The following UNC13C variants were observed in gnomAD, a reference collection of about 807,000 sequenced individuals.
The protein encoded by UNC13C is unc-13 homolog C.
UNC13C carries 174 observed loss-of-function variants against 245.4 expected under a neutral mutation model. The observed-to-expected ratio is 0.71, with a 90% CI of 0.63 to 0.80. The LOEUF (loss-of-function observed/expected upper bound fraction) is 0.80. Among genes scored for constraint, UNC13C ranks in the 30% least tolerant of loss-of-function variants. The pLI is 0.00. For synonymous variants in UNC13C, 992 were observed against 895.1 expected, an observed-to-expected ratio of 1.11 and a Z score of -1.93; for missense variants, 2,829 against 2,602.9, an observed-to-expected ratio of 1.09 and a Z score of -1.89.
intron 4 of UNC13C, among the ~76,000 whole-genome samples, chr15:54,203,310 G>T (rs1435829970): frequency 1.3e-5 from 2 of 151,564 alleles, no homozygotes; most frequent in Non-Finnish European, 3.0e-5. Context: ...TGTTGATCCA[G>T]CAATCCCACT....
At chr15:54,447,833 T>C (rs374670419) in intron 19 of UNC13C, among the ~76,000 whole-genome samples, 3 of 152,326 alleles carry the variant, frequency 2.0e-5, no homozygotes, top group African/African-American at 4.8e-5. Flanking sequence ...ATGTGTTTGC[T>C]CTTGCTTTTC....
intron 8 of UNC13C, among the ~76,000 whole-genome samples, chr15:54,253,845 C>T (rs529215762): frequency 1.3e-5 from 2 of 152,200 alleles, no homozygotes; most frequent in Admixed American, 1.3e-4. Flanking sequence ...AAGACAGCTA[C>T]AGAGATTGGA....
intron 2 of UNC13C, among the ~76,000 whole-genome samples, chr15:54,142,814 T>G (rs1323094168): frequency 1.3e-5 from 2 of 152,214 alleles, no homozygotes; most frequent in Non-Finnish European, 2.9e-5. Context: ...TTTTATACTT[T>G]TCAAGCATTC....
intron 2 of UNC13C, among the ~76,000 whole-genome samples, chr15:54,067,766 A>G (rs1263852112): frequency 2.0e-5 from 3 of 152,182 alleles, no homozygotes; most frequent in African/African-American, 4.8e-5. Flanking sequence ...TGACACCTCT[A>G]CTTTTTCCTG....
chr15:54,069,235 C>T (rs1293888357), intron 2 of UNC13C, among the ~76,000 whole-genome samples: 1 of 152,086 alleles, frequency 6.6e-6, no homozygotes, highest in African/African-American at 2.4e-5. Flanking sequence ...CCAAGATGAC[C>T]TTTGGGAGGT....
At chr15:54,419,535 G>A (rs981717936) in intron 19 of UNC13C, among the ~76,000 whole-genome samples, 2 of 152,134 alleles carry the variant, frequency 1.3e-5, no homozygotes, top group Non-Finnish European at 2.9e-5. Context: ...GCTGGTATTA[G>A]AATCAGGATA....
chr15:54,232,038 A>G (rs566736248), intron 4 of UNC13C, among the ~76,000 whole-genome samples: 5 of 152,112 alleles, frequency 3.3e-5, no homozygotes, highest in Non-Finnish European at 7.4e-5. Flanking sequence ...GACCTTATCT[A>G]TATTTATCAA....
chr15:54,455,169 C>CTCTCTCTCTCTCTCTCTCTCTA (rs1567288718), intron 19 of UNC13C, among the ~76,000 whole-genome samples: 237 of 21,574 alleles, frequency 0.011, 40 homozygotes, highest in Non-Finnish European at 0.013. Context: ...ATATTCCTCT[C>CTCTCTCTCTCTCTCTCTCTCTA]TCTCTCTCTC....
At chr15:54,614,071 C>G (rs1039644304) in intron 30 of UNC13C, among the ~76,000 whole-genome samples, 112 of 152,096 alleles carry the variant, frequency 7.4e-4, no homozygotes, top group African/African-American at 2.6e-3. Context: ...TGTCATACTG[C>G]TTTCCTTTTT....
chr15:53,953,391 G>C, the UNC13C span, among the ~76,000 whole-genome samples: 432 of 152,296 alleles, frequency 2.8e-3, 6 homozygotes, highest in African/African-American at 0.01. Flanking sequence ...GGCCCCAGAA[G>C]TCAAGGCACA....
chr15:54,582,130 AAC>A (rs1418617000), intron 30 of UNC13C, among the ~76,000 whole-genome samples: 3 of 152,156 alleles, frequency 2.0e-5, no homozygotes, highest in African/African-American at 7.2e-5. Context: ...CCTTTTGGAA[AAC>A]AGTTTCATAG....
chr15:54,352,045 G>A (rs981547452), intron 17 of UNC13C, among the ~76,000 whole-genome samples: 5 of 151,792 alleles, frequency 3.3e-5, no homozygotes, highest in Admixed American at 6.6e-5. Context: ...TAGAATTAAA[G>A]TTAAAATATC....
At chr15:53,915,843 C>CA in the UNC13C span, among the ~76,000 whole-genome samples, 6 of 152,052 alleles carry the variant, frequency 3.9e-5, no homozygotes, top group Non-Finnish European at 7.4e-5. Flanking sequence ...ACATCACATA[C>CA]AAAACCATGG....
chr15:53,843,475 C>T, the UNC13C span, among the ~76,000 whole-genome samples: 1 of 151,956 alleles, frequency 6.6e-6, no homozygotes, highest in Non-Finnish European at 1.5e-5. Flanking sequence ...TATATATATA[C>T]ATATATCACT....
At chr15:54,342,316 T>C (rs748294386) in intron 17 of UNC13C, among the ~76,000 whole-genome samples, 2 of 152,228 alleles carry the variant, frequency 1.3e-5, no homozygotes, top group Non-Finnish European at 2.9e-5. Context: ...CTATGACATA[T>C]ATAGCTATTA....
rs1895417134 is a variant in UNC13C, at chr15:54,525,628, A to G, written c.5537A>G (p.Tyr1846Cys). ...GTCCTGGATGAGCTCAGCGTCACTT[A>G]TGGTGAAAGGTAAGTGGCCTCTGTT... ...SGVLDELSVTYGESFQVIIEE... is the reference protein window; with the variant it reads ...SGVLDELSVTCGESFQVIIEE... Residue 1846 changes from tyrosine to cysteine, a missense_variant, in exon 25 of 33, where the codon TAT (tyrosine) becomes TGT (cysteine). Transcript: ENST00000260323. The G allele has an allele frequency of 1.2e-6, 2 of 1,611,996 alleles. No homozygotes were observed. Among genetic ancestry groups the G allele is most frequent in the South Asian group, 2.2e-5 (2 of 90,514 alleles).
chr15:54,372,318 C>T (rs867818495), intron 17 of UNC13C, among the ~76,000 whole-genome samples: 1 of 151,808 alleles, frequency 6.6e-6, no homozygotes, highest in Non-Finnish European at 1.5e-5. Flanking sequence ...TAATAGAAAA[C>T]ATATCAGTTA....
At chr15:54,382,516 G>A (rs1464011216) in intron 17 of UNC13C, among the ~76,000 whole-genome samples, 3 of 152,054 alleles carry the variant, frequency 2.0e-5, no homozygotes, top group Admixed American at 2.0e-4. Context: ...AGTTAAGGTT[G>A]CAGTGAGCCA....
At chr15:54,030,088 G>A (rs530660769) in intron 2 of UNC13C, among the ~76,000 whole-genome samples, 1 of 152,184 alleles carries the variant, frequency 6.6e-6, no homozygotes, top group South Asian at 2.1e-4. Context: ...GCGGCAGCAG[G>A]TTCAGTCATT....
Sources: gnomAD v4.1 joint callset for allele counts (sites outside exome capture counted in the v4.1 genomes callset) on GRCh38, gnomAD v4.1.1 for gene constraint, MANE v1.5 for transcripts, NCBI Gene and HGNC (gene_info 2026-07-23, HGNC 2026-07-21) for gene names.